The following PHACTR1 variants were observed in gnomAD, a reference collection of about 807,000 sequenced individuals.
PHACTR1 encodes the protein phosphatase and actin regulator 1, also known as RPEL repeat containing 1.
A neutral mutation model predicts 69.2 loss-of-function variants in PHACTR1; 16 were observed. That is an observed-to-expected ratio of 0.23 (90% CI 0.16 to 0.35). The LOEUF (loss-of-function observed/expected upper bound fraction) is 0.35. Ranked by LOEUF, PHACTR1 falls within the 10% of genes least tolerant of loss-of-function variation. The probability of loss-of-function intolerance (pLI) is 1.00; values close to 1 mark genes in which losing one functional copy is unlikely to be tolerated. For missense variants in PHACTR1, 510 were observed against 734.7 expected (o/e 0.69, Z 3.54); for synonymous variants, 312 against 284.5 (o/e 1.10, Z -0.97).
At chr6:13,247,268 G>A (rs77062527) in intron 10 of PHACTR1, among the ~76,000 whole-genome samples, 7,945 of 151,698 alleles carry the variant, frequency 0.052, 601 homozygotes, top group African/African-American at 0.17. Flanking sequence ...CCGTCCTTTC[G>A]ACTGTTAGGA....
chr6:12,884,023 C>T (rs756541230), intron 4 of PHACTR1, among the ~76,000 whole-genome samples: 3 of 151,716 alleles, frequency 2.0e-5, no homozygotes, highest in Non-Finnish European at 2.9e-5. Flanking sequence ...CACATGTAGC[C>T]ACATACACAC....
chr6:12,907,494 A>G (rs1412275454), intron 4 of PHACTR1, among the ~76,000 whole-genome samples: 2 of 152,220 alleles, frequency 1.3e-5, no homozygotes, highest in African/African-American at 4.8e-5. Context: ...CTAACAAGGT[A>G]GAACTACTTG....
intron 4 of PHACTR1, among the ~76,000 whole-genome samples, chr6:13,015,678 A>G (rs1800077187): frequency 6.6e-6 from 1 of 152,228 alleles, no homozygotes; most frequent in Non-Finnish European, 1.5e-5. Context: ...ATATGTCCAT[A>G]TTCAAGGATG....
At chr6:12,729,390 G>A (rs770549151) in intron 3 of PHACTR1, among the ~76,000 whole-genome samples, 2 of 152,168 alleles carry the variant, frequency 1.3e-5, no homozygotes, top group Non-Finnish European at 2.9e-5. Context: ...AAGGTGAGAT[G>A]ACAATTCACT....
At chr6:12,751,387 GTTGTGAGGGGT>G (rs1420085561) in intron 4 of PHACTR1, among the ~76,000 whole-genome samples, 1 of 152,186 alleles carries the variant, frequency 6.6e-6, no homozygotes, top group East Asian at 1.9e-4. Flanking sequence ...TCAGCGTATG[GTTGTGAGGGGT>G]CTCACAAAGG....
In PHACTR1 at chr6:13,287,704, G is replaced by A; in HGVS notation, c.*626G>A. On this transcript the variant is annotated 3_prime_UTR_variant, in exon 15 of 15. Coordinates refer to ENST00000332995, the MANE Select transcript of PHACTR1 (RefSeq NM_030948.6). ...GGCCCATTTCTGGGGGAGTCTGGCT[G>A]CCTCTTGGCTACGAAGGCTGGCACT... 6.5e-6 allele frequency: 1 copy of A among 152,888 alleles called. No individual in the cohort carries two copies. The highest frequency in any genetic ancestry group is 2.4e-5 in the African/African-American group (1 of 41,570). The allele number at this position is 152,888 out of a possible 1,614,324, so 9.5% of individuals were successfully genotyped here.
At chr6:13,210,241 A>G (rs1051499221) in intron 8 of PHACTR1, among the ~76,000 whole-genome samples, 1 of 152,046 alleles carries the variant, frequency 6.6e-6, no homozygotes, top group African/African-American at 2.4e-5. Flanking sequence ...CATCGAACTC[A>G]TAGTCTAAAG....
intron 5 of PHACTR1, among the ~76,000 whole-genome samples, chr6:13,133,791 G>GCAA (rs1820980596): frequency 6.7e-6 from 1 of 149,640 alleles, no homozygotes; most frequent in Admixed American, 6.6e-5. Context: ...CTGCCCGGCC[G>GCAA]CCCAGTCTGG....
chr6:12,791,927 A>C (rs1028702007), intron 4 of PHACTR1, among the ~76,000 whole-genome samples: 1 of 152,208 alleles, frequency 6.6e-6, no homozygotes, highest in Non-Finnish European at 1.5e-5. Flanking sequence ...GGTTGGTGTT[A>C]AGAGTCATGG....
intron 4 of PHACTR1, among the ~76,000 whole-genome samples, chr6:12,895,637 A>G (rs1247977645): frequency 6.6e-6 from 1 of 152,228 alleles, no homozygotes; most frequent in African/African-American, 2.4e-5. Flanking sequence ...CTTTCTAAAC[A>G]AAATACAAGC....
At chr6:13,150,556 A>G (rs1824151675) in intron 5 of PHACTR1, among the ~76,000 whole-genome samples, 1 of 152,148 alleles carries the variant, frequency 6.6e-6, no homozygotes, top group Non-Finnish European at 1.5e-5. Context: ...TTTTTATTGA[A>G]TATGTTTAGC....
rs1232366901 is a variant in PHACTR1 at position 12,732,330 on chromosome 6, A to C, written c.103+13483A>C. ...CAGATTTTTTTTGGGGGTGCTGTTT[A>C]AGACATTTTCATTATTTATTTATTT... On this transcript the variant is annotated intron_variant, in intron 3 of 14. Transcript: ENST00000332995. 2.7e-5 allele frequency among the ~76,000 whole-genome samples: 4 copies of C among 150,430 alleles called. No individual in the cohort carries two copies. The East Asian group carries it at 6.0e-4, about 23-fold the overall frequency.
intron 8 of PHACTR1, among the ~76,000 whole-genome samples, chr6:13,220,463 T>C (rs1217715391): frequency 6.6e-6 from 1 of 152,196 alleles, no homozygotes; most frequent in African/African-American, 2.4e-5. Context: ...CTTAATGACG[T>C]CACCTTACAA....
At chr6:13,023,159 G>A (rs566407404) in intron 4 of PHACTR1, among the ~76,000 whole-genome samples, 4 of 152,304 alleles carry the variant, frequency 2.6e-5, no homozygotes, top group African/African-American at 9.6e-5. Flanking sequence ...GAATTGCAGT[G>A]TTGGTCTTTT....
At chr6:13,153,443 C>A (rs1459021293) in intron 5 of PHACTR1, among the ~76,000 whole-genome samples, 1 of 152,180 alleles carries the variant, frequency 6.6e-6, no homozygotes, top group Non-Finnish European at 1.5e-5. Context: ...TCTTTTTTTA[C>A]ATGTCTGGAT....
chr6:13,286,393 G>T lies in PHACTR1; in HGVS notation c.1727+171G>T, dbSNP rs73359145. On this transcript the variant is annotated intron_variant, in intron 14 of 14. Coordinates refer to ENST00000332995, the MANE Select transcript of PHACTR1 (RefSeq NM_030948.6). ...CTTTAGGTTACTGAAACGAGGAAGT[G>T]GAACACAGATGGCCCGGGCTAAAAC... Among the ~76,000 whole-genome samples the T allele has an allele frequency of 3.1e-3, 475 of 152,296 alleles. 3 individuals are homozygous for T. Among genetic ancestry groups the T allele is most frequent in the African/African-American group, 0.01 (433 of 41,550 alleles).
intron 4 of PHACTR1, among the ~76,000 whole-genome samples, chr6:13,039,295 T>C (rs1350253716): frequency 6.6e-6 from 1 of 152,200 alleles, no homozygotes; most frequent in African/African-American, 2.4e-5. Context: ...AGGATGACCA[T>C]TTACTCCTCT....
chr6:13,136,611 A>G (rs1301551886), intron 5 of PHACTR1, among the ~76,000 whole-genome samples: 1 of 152,202 alleles, frequency 6.6e-6, no homozygotes, highest in Non-Finnish European at 1.5e-5. Flanking sequence ...GGCCTGTCTC[A>G]CCTTTCGACA....
chr6:12,738,480 G>C (rs546183030), intron 3 of PHACTR1, among the ~76,000 whole-genome samples: 1 of 152,280 alleles, frequency 6.6e-6, no homozygotes, highest in African/African-American at 2.4e-5. Context: ...GTTCGTGCTT[G>C]ATCTTTACTA....
Sources: gnomAD v4.1 joint callset for allele counts (sites outside exome capture counted in the v4.1 genomes callset) on GRCh38, gnomAD v4.1.1 for gene constraint, MANE v1.5 for transcripts, NCBI Gene and HGNC (gene_info 2026-07-23, HGNC 2026-07-21) for gene names.